Variants in GSE1 observed in about 807,000 individuals in gnomAD.
GSE1 encodes the protein genetic suppressor element 1.
GSE1 carries 32 observed loss-of-function variants against 112.6 expected under a neutral mutation model. The observed-to-expected ratio is 0.28, with a 90% CI of 0.21 to 0.38. GSE1 has a LOEUF of 0.38. GSE1 is among the 10% of genes least tolerant of loss of function. The pLI, the probability that GSE1 is intolerant of heterozygous loss-of-function variation, is 1.00. For synonymous variants in GSE1, 1,115 were observed against 735.6 expected (o/e 1.52, Z -8.35); for missense variants, 2,348 against 1,699.2 (o/e 1.38, Z -6.71).
intron 1 of GSE1, among the ~76,000 whole-genome samples, chr16:85,180,301 A>G (rs749809868): frequency 2.0e-4 from 31 of 152,046 alleles, no homozygotes; most frequent in Admixed American, 8.5e-4. Flanking sequence ...AGCTCTTTCC[A>G]CTTGGCGAGA....
chr16:85,475,179 C>T (rs930027410), intron 2 of GSE1, among the ~76,000 whole-genome samples: 1 of 152,246 alleles, frequency 6.6e-6, no homozygotes, highest in African/African-American at 2.4e-5. Flanking sequence ...TTTTCCATCT[C>T]CTTTCCTTCT....
intron 2 of GSE1, among the ~76,000 whole-genome samples, chr16:85,491,733 G>A (rs912722469): frequency 5.3e-5 from 8 of 152,140 alleles, no homozygotes; most frequent in Non-Finnish European, 1.0e-4. Context: ...CCTCCTGGGA[G>A]CCTGAAAGCC....
chr16:85,555,326 C>G (rs1262302335), upstream of GSE1: 2 of 984,940 alleles, frequency 2.0e-6, no homozygotes, highest in African/African-American at 1.7e-5. Context: ...CGAGTTCTTT[C>G]TCCTCCTCCT....
intron 1 of GSE1, among the ~76,000 whole-genome samples, chr16:85,251,630 C>T (rs561947095): frequency 4.6e-5 from 7 of 152,342 alleles, no homozygotes; most frequent in African/African-American, 7.2e-5. Flanking sequence ...TGGTGCCTCC[C>T]GGGCCTTGCT....
intron 2 of GSE1, among the ~76,000 whole-genome samples, chr16:85,472,477 A>C (rs2050325622): frequency 6.6e-6 from 1 of 152,192 alleles, no homozygotes; most frequent in Non-Finnish European, 1.5e-5. Context: ...TCTCAGAAGG[A>C]CAGCTCATTG....
At chr16:85,278,587 T>G (rs62049833) in intron 1 of GSE1, among the ~76,000 whole-genome samples, 41,618 of 152,106 alleles carry the variant, frequency 0.27, 5,914 homozygotes, top group East Asian at 0.34. Context: ...AGCCTCATAG[T>G]CTTCATAAGC....
At chr16:85,323,611 G>A (rs2046162560) in intron 1 of GSE1, among the ~76,000 whole-genome samples, 1 of 152,178 alleles carries the variant, frequency 6.6e-6, no homozygotes, top group Non-Finnish European at 1.5e-5. Flanking sequence ...TATGTGGTGG[G>A]AACCTGCCAA....
At chr16:85,655,966 A>G in intron 6 of GSE1, 49 bp downstream of exon 6, 1 of 1,465,458 alleles carries the variant, frequency 6.8e-7, no homozygotes, top group East Asian at 2.3e-5. Context: ...CTGTCCCTTG[A>G]TGGCAGCTGG....
intron 1 of GSE1, among the ~76,000 whole-genome samples, chr16:85,591,686 C>T (rs889728578): frequency 6.6e-6 from 1 of 152,230 alleles, no homozygotes; most frequent in African/African-American, 2.4e-5. Flanking sequence ...CGGACCTCAC[C>T]GGGACTCCGT....
intron 1 of GSE1, among the ~76,000 whole-genome samples, chr16:85,310,575 G>A (rs1033813518): frequency 3.3e-5 from 5 of 150,586 alleles, no homozygotes; most frequent in African/African-American, 1.2e-4. Context: ...ACTGCCCTTG[G>A]TCCTTGTTGC....
intron 1 of GSE1, among the ~76,000 whole-genome samples, chr16:85,597,497 T>C (rs1470211061): frequency 6.6e-6 from 1 of 152,000 alleles, no homozygotes; most frequent in African/African-American, 2.4e-5. Flanking sequence ...AGAGACAGGA[T>C]CTCATTCTGT....
At chr16:85,310,787 C>G (rs952470257) in intron 1 of GSE1, among the ~76,000 whole-genome samples, 87 of 151,854 alleles carry the variant, frequency 5.7e-4, no homozygotes, top group East Asian at 5.8e-4. Flanking sequence ...GCGTCCCCCC[C>G]CCACCCACCT....
intron 2 of GSE1, among the ~76,000 whole-genome samples, chr16:85,485,572 C>A (rs1358952189): frequency 6.6e-6 from 1 of 152,248 alleles, no homozygotes; most frequent in Admixed American, 6.5e-5. Flanking sequence ...GCCGCCGCCG[C>A]GTTAAGGACA....
intron 1 of GSE1, among the ~76,000 whole-genome samples, chr16:85,288,808 G>C (rs1360859355): frequency 6.6e-6 from 1 of 152,210 alleles, no homozygotes; most frequent in African/African-American, 2.4e-5. Flanking sequence ...GGGGAGGGTG[G>C]AGCTGTCAGC....
At chr16:85,339,024 A>T (rs969553394) in intron 1 of GSE1, among the ~76,000 whole-genome samples, 1 of 152,096 alleles carries the variant, frequency 6.6e-6, no homozygotes, top group Non-Finnish European at 1.5e-5. Flanking sequence ...GCAGCTGGGC[A>T]TGTTACCACC....
At chr16:85,184,890 A>G (rs2143359817) in intron 1 of GSE1, among the ~76,000 whole-genome samples, 1 of 152,366 alleles carries the variant, frequency 6.6e-6, no homozygotes, top group African/African-American at 2.4e-5. Flanking sequence ...TGAAGAGGAT[A>G]TGGAAACAGC....
intron 1 of GSE1, among the ~76,000 whole-genome samples, chr16:85,324,400 C>T (rs994439707): frequency 2.0e-5 from 3 of 151,596 alleles, no homozygotes; most frequent in African/African-American, 7.3e-5. Context: ...ATCGCAGCTA[C>T]TTGGGAGGCT....
chr16:85,467,484 G>C (rs1407607582), intron 2 of GSE1, among the ~76,000 whole-genome samples: 1 of 152,194 alleles, frequency 6.6e-6, no homozygotes, highest in East Asian at 1.9e-4. Flanking sequence ...TTAGACGGGG[G>C]CTGGGTTGGG....
At chr16:85,339,981 G>T (rs2046590340) in intron 1 of GSE1, among the ~76,000 whole-genome samples, 1 of 152,140 alleles carries the variant, frequency 6.6e-6, no homozygotes, top group Admixed American at 6.5e-5. Context: ...TCACTAACAG[G>T]CTTGTTTTAT....
Sources: allele counts gnomAD v4.1 joint callset (sites outside exome capture counted in the v4.1 genomes callset), GRCh38; gene constraint gnomAD v4.1.1; transcripts MANE v1.5; gene names NCBI Gene and HGNC (gene_info 2026-07-23, HGNC 2026-07-21).